ZC3H8: variants seen among roughly 807,000 people sequenced by gnomAD.
ZC3H8 encodes zinc finger CCCH domain-containing protein 8.
Under a neutral mutation model 42.5 loss-of-function variants are expected in ZC3H8, and 27 were observed. The ratio of observed to expected loss-of-function variants is 0.64; its 90% confidence interval spans 0.47 to 0.88. The LOEUF (loss-of-function observed/expected upper bound fraction) is 0.88, where lower values mean the gene tolerates loss of function less well. Ranked by LOEUF, ZC3H8 falls within the 40% of genes least tolerant of loss-of-function variation. The pLI is 0.00. For synonymous variants in ZC3H8, 101 were observed against 110.1 expected (o/e 0.92, Z 0.52); for missense variants, 277 against 336.1 (o/e 0.82, Z 1.37).
At chr2:112,247,372 C>T (rs1270592294) in intron 2 of ZC3H8, among the ~76,000 whole-genome samples, 2 of 151,960 alleles carry the variant, frequency 1.3e-5, no homozygotes, top group Admixed American at 6.6e-5. Flanking sequence ...CTCAGGAGTT[C>T]GAGACCAGCC....
chr2:112,228,397 G>T (rs538920883), intron 8 of ZC3H8, among the ~76,000 whole-genome samples: 1 of 152,066 alleles, frequency 6.6e-6, no homozygotes, highest in African/African-American at 2.4e-5. Context: ...AGCTACTCGG[G>T]ATGCTGAGGC....
In ZC3H8 at chr2:112,234,144, AT is replaced by A; in HGVS notation, c.596del (p.Tyr199PhefsTer21). On this transcript the variant is annotated frameshift_variant, in exon 5 of 9. Coordinates refer to ENST00000409573, the MANE Select transcript of ZC3H8 (RefSeq NM_032494.3). LOFTEE classifies it high-confidence loss of function. ...CCTTAATACATTTCCTTTCAAGAAA[AT>A]ATTTACAAATTTGTTTTCCCTTGCG... ...VERKGKQICK[Y>X]FLERKCIKGD... 6.3e-7 allele frequency: 1 copy of A among 1,593,500 alleles called. No individual in the cohort carries two copies. Among genetic ancestry groups the A allele is most frequent in the Non-Finnish European group, 8.5e-7 (1 of 1,170,294 alleles).
intron 5 of ZC3H8, among the ~76,000 whole-genome samples, chr2:112,233,914 G>A (rs1169297418): frequency 6.6e-6 from 1 of 152,098 alleles, no homozygotes; most frequent in Non-Finnish European, 1.5e-5. Context: ...TGACTCAGGT[G>A]ATCCACCCAC....
intron 1 of ZC3H8, among the ~76,000 whole-genome samples, chr2:112,251,950 C>G (rs148192050): frequency 9.2e-4 from 140 of 152,330 alleles, no homozygotes; most frequent in Non-Finnish European, 1.7e-3. Flanking sequence ...CTAGTTTCTT[C>G]TTTCCACAGC....
chr2:112,237,707 C>G (rs1685400363), intron 3 of ZC3H8, among the ~76,000 whole-genome samples: 1 of 151,896 alleles, frequency 6.6e-6, no homozygotes, highest in East Asian at 1.9e-4. Flanking sequence ...TCCAGGGTAG[C>G]TGGGATTACA....
intron 8 of ZC3H8, 86 bp from the exon 9 acceptor site, chr2:112,216,554 A>G (rs1169991573): frequency 6.6e-6 from 1 of 152,226 alleles, no homozygotes; most frequent in African/African-American, 2.4e-5. Context: ...TCATCTCCCA[A>G]AACAACAACA....
intron 4 of ZC3H8, among the ~76,000 whole-genome samples, chr2:112,234,987 A>C (rs1685258967): frequency 6.6e-6 from 1 of 152,142 alleles, no homozygotes; most frequent in South Asian, 2.1e-4. Flanking sequence ...AGCTCAAATT[A>C]ACACACGCAA....
chr2:112,253,199 C>T (rs577877999), intron 1 of ZC3H8, among the ~76,000 whole-genome samples: 1 of 152,156 alleles, frequency 6.6e-6, no homozygotes, highest in South Asian at 2.1e-4. Context: ...TTATTTTCCC[C>T]TTACCCTTCA....
rs1028464160 is a variant in ZC3H8, at chr2:112,214,372, T to C, written c.*2112A>G. On this transcript the variant is annotated 3_prime_UTR_variant, in exon 9 of 9. Transcript: ENST00000409573. ...TAAAGACGGTCAAGGATAAATTCAA[T>C]AGAGCCATGATAACCATGCTGGCCA... The C allele has an allele frequency of 1.3e-5, 2 of 152,208 alleles. No individual in the cohort carries two copies. Among genetic ancestry groups the C allele is most frequent in the Non-Finnish European group, 2.9e-5 (2 of 68,046 alleles). The allele number at this position is 152,208 out of a possible 1,614,324, so 9.4% of individuals were successfully genotyped here.
At chr2:112,245,542 T>G (rs1685730544) in intron 2 of ZC3H8, among the ~76,000 whole-genome samples, 1 of 152,126 alleles carries the variant, frequency 6.6e-6, no homozygotes, top group Non-Finnish European at 1.5e-5. Flanking sequence ...TAGTCCCAGC[T>G]ACTCAGGAGG....
chr2:112,242,741 C>A (rs1685627806), intron 2 of ZC3H8, among the ~76,000 whole-genome samples: 1 of 152,188 alleles, frequency 6.6e-6, no homozygotes, highest in Non-Finnish European at 1.5e-5. Context: ...TCCCAACTCA[C>A]AAGAGAGTAA....
At chr2:112,233,210 A>G in intron 6 of ZC3H8, 50 bp downstream of exon 6, 1 of 1,303,052 alleles carries the variant, frequency 7.7e-7, no homozygotes, top group Non-Finnish European at 1.0e-6. Flanking sequence ...CACATTTAAA[A>G]TGTTCATGTA....
chr2:112,219,280 C>T (rs916591855), intron 8 of ZC3H8, among the ~76,000 whole-genome samples: 4 of 151,944 alleles, frequency 2.6e-5, no homozygotes, highest in African/African-American at 9.7e-5. Flanking sequence ...AGAAATAAAC[C>T]CTCACGTCTA....
chr2:112,223,077 G>C (rs1466585367), intron 8 of ZC3H8, among the ~76,000 whole-genome samples: 1 of 152,010 alleles, frequency 6.6e-6, no homozygotes, highest in East Asian at 1.9e-4. Context: ...TTTGGACACA[G>C]GGTGGGGAAC....
intron 3 of ZC3H8, among the ~76,000 whole-genome samples, chr2:112,237,786 C>T (rs796790188): frequency 1.3e-5 from 2 of 151,968 alleles, no homozygotes; most frequent in African/African-American, 4.8e-5. Context: ...AGGCTGGTCT[C>T]GAACTCCTGA....
chr2:112,214,422 A>AT lies in ZC3H8; in HGVS notation c.*2061dup, dbSNP rs1485254770. 6.6e-6 allele frequency: 1 copy of AT among 152,096 alleles called. No individual in the cohort carries two copies. Among genetic ancestry groups the AT allele is most frequent in the Non-Finnish European group, 1.5e-5 (1 of 68,034 alleles). 9.4% of individuals were successfully genotyped at this position (152,096 alleles called of 1,614,324 possible). A position where few individuals can be genotyped will look rare whatever the true frequency, so the allele number is the denominator to read the frequency against. ...AAATAAATCTGTGCAGATTTTTCCC[A>AT]TACAACTTTCTGGCTTTATTTCTCC... On this transcript the variant is annotated 3_prime_UTR_variant, in exon 9 of 9. Transcript: ENST00000409573.
intron 2 of ZC3H8, among the ~76,000 whole-genome samples, chr2:112,238,958 A>G (rs972276641): frequency 6.6e-6 from 1 of 152,358 alleles, no homozygotes; most frequent in Admixed American, 6.5e-5. Flanking sequence ...AAACACCCCA[A>G]GTAAACTGTA....
chr2:112,247,733 T>C (rs1685808101), intron 2 of ZC3H8, among the ~76,000 whole-genome samples: 1 of 152,218 alleles, frequency 6.6e-6, no homozygotes, highest in African/African-American at 2.4e-5. Context: ...TTGCAGAAAC[T>C]ATGTAAGACA....
intron 6 of ZC3H8, 57 bp downstream of exon 6, chr2:112,233,203 A>G (rs1156379668): frequency 1.3e-5 from 17 of 1,261,366 alleles, no homozygotes; most frequent in African/African-American, 1.6e-5. Context: ...AATTTTGCAC[A>G]TTTAAAATGT....
Sources: gnomAD v4.1 joint callset for allele counts (sites outside exome capture counted in the v4.1 genomes callset) on GRCh38, gnomAD v4.1.1 for gene constraint, MANE v1.5 for transcripts, NCBI Gene and HGNC (gene_info 2026-07-23, HGNC 2026-07-21) for gene names.